SLC2A5: variants seen among roughly 807,000 people sequenced by gnomAD.
SLC2A5 encodes solute carrier family 2 member 5.
Under a neutral mutation model 50.3 loss-of-function variants are expected in SLC2A5, and 56 were observed. The observed-to-expected ratio is 1.11, with a 90% CI of 0.90 to 1.39. The LOEUF is 1.39. SLC2A5 is among the 40% of genes most tolerant of loss of function. The probability of loss-of-function intolerance (pLI) is 0.00; values close to 1 mark genes in which losing one functional copy is unlikely to be tolerated. For synonymous variants in SLC2A5, 269 were observed against 281.9 expected (o/e 0.95, Z 0.46); for missense variants, 566 against 650.1 (o/e 0.87, Z 1.41).
upstream of SLC2A5, among the ~76,000 whole-genome samples, chr1:9,072,774 AC>A (rs950487846): frequency 6.9e-6 from 1 of 145,528 alleles, no homozygotes; most frequent in African/African-American, 2.6e-5. Context: ...ACATGGTGAA[AC>A]CCCGTTTCTA....
intron 1 of SLC2A5, among the ~76,000 whole-genome samples, chr1:9,064,569 T>C (rs1642032882): frequency 6.6e-6 from 1 of 152,158 alleles, no homozygotes; most frequent in Non-Finnish European, 1.5e-5. Context: ...AAGAAACTTT[T>C]TGGGGGATGT....
upstream of SLC2A5, chr1:9,073,199 T>A (rs888583185): frequency 1.3e-5 from 2 of 152,234 alleles, no homozygotes; most frequent in African/African-American, 4.8e-5. Flanking sequence ...GCCACGGGCC[T>A]CTTTTGTACA....
intron 2 of SLC2A5, 141 bp downstream of exon 2, chr1:9,058,011 T>A: frequency 3.1e-6 from 2 of 655,376 alleles, no homozygotes; most frequent in South Asian, 3.6e-5. Context: ...TTCCCTCGGG[T>A]CTGTGCTGTG....
Position 9,037,449 on chromosome 1 carries a change from G to T in SLC2A5, c.*137C>A. On this transcript the variant is annotated 3_prime_UTR_variant, in exon 12 of 12. Transcript: ENST00000377424. ...CCTTTGCACAGTTCCCACTGGGGTG[G>T]GGAGGCTGGAGATGAGGACTGCATT... The T allele has an allele frequency of 1.4e-6, 1 of 725,918 alleles. No individual in the cohort carries two copies. The highest frequency in any genetic ancestry group is 2.5e-5 in the East Asian group (1 of 39,820). The allele number at this position is 725,918 out of a possible 1,614,324, so 45.0% of individuals were successfully genotyped here. A position where few individuals can be genotyped will look rare whatever the true frequency, so the allele number is the denominator to read the frequency against.
chr1:9,074,771 C>G (rs1350283228), intron 2 of SLC2A5, among the ~76,000 whole-genome samples: 2 of 152,152 alleles, frequency 1.3e-5, no homozygotes, highest in Admixed American at 6.6e-5. Flanking sequence ...CTCCTGTAAT[C>G]CCAGCATTTT....
chr1:9,038,632 T>C, intron 9 of SLC2A5, 126 bp from the exon 10 acceptor site: 1 of 1,239,696 alleles, frequency 8.1e-7, no homozygotes, highest in Non-Finnish European at 1.1e-6. Flanking sequence ...GCCACCTCGA[T>C]GAGCCACTGG....
intron 1 of SLC2A5, among the ~76,000 whole-genome samples, chr1:9,068,554 T>C (rs1490737490): frequency 8.0e-5 from 12 of 150,914 alleles, no homozygotes; most frequent in African/African-American, 2.9e-4. Flanking sequence ...CAGGTTCAAG[T>C]GATTCTCCTG....
chr1:9,089,405 A>T (rs1267802400), upstream of SLC2A5, among the ~76,000 whole-genome samples: 3 of 152,190 alleles, frequency 2.0e-5, no homozygotes, highest in African/African-American at 7.2e-5. Context: ...CCTTCAATTT[A>T]TTTCCCAATC....
At chr1:9,051,259 G>C (rs537852935) in intron 3 of SLC2A5, among the ~76,000 whole-genome samples, 2 of 151,638 alleles carry the variant, frequency 1.3e-5, no homozygotes, top group South Asian at 4.2e-4. Context: ...AAAAGAGAGA[G>C]AGAGACAAAG....
chr1:9,094,107 C>T, the SLC2A5 span, among the ~76,000 whole-genome samples: 1 of 152,220 alleles, frequency 6.6e-6, no homozygotes, highest in Admixed American at 6.5e-5. Flanking sequence ...TTCTTAACTT[C>T]TAACTAATGC....
chr1:9,069,069 G>A (rs749329108), intron 1 of SLC2A5, among the ~76,000 whole-genome samples: 10 of 152,146 alleles, frequency 6.6e-5, no homozygotes, highest in Non-Finnish European at 1.5e-4. Context: ...ATCAAGCAAC[G>A]CCTTTTCTGA....
Position 9,040,068 on chromosome 1 carries a change from C to A in SLC2A5, c.693G>T (p.Lys231Asn). ...LIQKKDEAAA[K>N]KALQTLRGWD... Reference sequence around the variant, plus strand: ...CCCCGCCAGAGCCCTCGTTACCTTTCTTGGCGGCCGCTTCGTCTTTCTTCT... The same window carrying A: ...CCCCGCCAGAGCCCTCGTTACCTTTATTGGCGGCCGCTTCGTCTTTCTTCT... The change falls in exon 6 of 12, where the codon AAG becomes AAT. Residue 231 changes from lysine (K) to asparagine (N), a missense_variant. Lys to Asn is a moderately conservative substitution (Grantham distance 94). Transcript: ENST00000377424. The surrounding 1 kb of genome is among the most constrained non-coding windows in gnomAD (Gnocchi z 4.3). The A allele has an allele frequency of 6.3e-7, 1 of 1,587,292 alleles. No homozygotes were observed. The highest frequency in any genetic ancestry group is 1.1e-5 in the South Asian group (1 of 88,528).
intron 1 of SLC2A5, among the ~76,000 whole-genome samples, chr1:9,058,572 T>C (rs1347783335): frequency 6.6e-6 from 1 of 152,200 alleles, no homozygotes; most frequent in African/African-American, 2.4e-5. Flanking sequence ...CATTGTTAAG[T>C]GTCCCCTGGT....
intron 1 of SLC2A5, among the ~76,000 whole-genome samples, chr1:9,085,998 A>G (rs1299305540): frequency 1.3e-5 from 2 of 152,194 alleles, no homozygotes; most frequent in Non-Finnish European, 2.9e-5. Context: ...CCCAACAAGA[A>G]TAAGTCTTCC....
intron 4 of SLC2A5, among the ~76,000 whole-genome samples, chr1:9,046,601 G>A (rs367762752): frequency 3.3e-5 from 5 of 151,778 alleles, no homozygotes; most frequent in African/African-American, 9.7e-5. Flanking sequence ...TGTTTCTCAA[G>A]CTTTTTTGAC....
intron 1 of SLC2A5, among the ~76,000 whole-genome samples, chr1:9,065,779 C>A (rs1282122575): frequency 6.6e-6 from 1 of 152,110 alleles, no homozygotes; most frequent in African/African-American, 2.4e-5. Context: ...AGGAGGATGG[C>A]TTGAGCCCAG....
intron 1 of SLC2A5, among the ~76,000 whole-genome samples, chr1:9,066,422 A>T (rs1642084722): frequency 6.6e-6 from 1 of 152,030 alleles, no homozygotes. Context: ...CTTTGTAGAG[A>T]CCAAGTTTCG....
chr1:9,069,136 C>A (rs1317130294), intron 1 of SLC2A5, among the ~76,000 whole-genome samples: 1 of 152,204 alleles, frequency 6.6e-6, no homozygotes, highest in Non-Finnish European at 1.5e-5. Flanking sequence ...ATTAACTGCC[C>A]TGAAGCCAAA....
intron 4 of SLC2A5, among the ~76,000 whole-genome samples, chr1:9,043,404 G>A (rs1340728921): frequency 2.0e-5 from 3 of 152,110 alleles, no homozygotes; most frequent in Non-Finnish European, 4.4e-5. Context: ...AAGAGGGGCA[G>A]TCTTTAAAGC....
Sources: gnomAD v4.1 joint callset for allele counts (sites outside exome capture counted in the v4.1 genomes callset) on GRCh38, gnomAD v4.1.1 for gene constraint, Gnocchi (gnomAD v3.1) non-coding constraint, MANE v1.5 for transcripts, NCBI Gene and HGNC (gene_info 2026-07-23, HGNC 2026-07-21) for gene names.